HEATR5B: variants seen among roughly 807,000 people sequenced by gnomAD.
The protein encoded by HEATR5B is HEAT repeat-containing protein 5B.
HEATR5B carries 156 observed loss-of-function variants against 224.1 expected under a neutral mutation model. The observed-to-expected ratio is 0.70, with a 90% CI of 0.61 to 0.80. HEATR5B has a LOEUF of 0.80. Ranked by LOEUF, HEATR5B falls within the 30% of genes least tolerant of loss-of-function variation. The probability of loss-of-function intolerance (pLI) is 0.00; values close to 1 mark genes in which losing one functional copy is unlikely to be tolerated. For missense variants in HEATR5B, 2,323 were observed against 2,535.5 expected (o/e 0.92, Z 1.80); for synonymous variants, 1,027 against 893.0 (o/e 1.15, Z -2.68).
intron 9 of HEATR5B, among the ~76,000 whole-genome samples, chr2:37,065,252 T>A (rs2148572393): frequency 6.6e-6 from 1 of 152,252 alleles, no homozygotes; most frequent in South Asian, 2.1e-4. Flanking sequence ...ATAAAAAAAC[T>A]ACCACAATTG....
chr2:37,006,982 G>T, intron 29 of HEATR5B, 68 bp downstream of exon 29: 2 of 1,489,390 alleles, frequency 1.3e-6, no homozygotes, highest in Non-Finnish European at 1.9e-6. Context: ...TCTTTCCATA[G>T]CTTTAAAATG....
chr2:37,078,875 CCAACT>C (rs1672384809), intron 3 of HEATR5B, among the ~76,000 whole-genome samples: 2 of 152,288 alleles, frequency 1.3e-5, no homozygotes, highest in South Asian at 2.1e-4. Context: ...CTCTAAAATC[CCAACT>C]AGAATTTCCA....
Position 37,044,209 on chromosome 2 carries a change from T to C in HEATR5B, c.2697-2917A>G, listed in dbSNP as rs376836067. On this transcript the variant is annotated intron_variant, in intron 18 of 35. Transcript: ENST00000233099. The stretch of plus-strand genomic sequence containing the variant: ...TCGTATGTGGGTAGTGGCTGCCATA[T>C]TGACAACACAAGATATAGGACATTT... 4.4e-4 allele frequency among the ~76,000 whole-genome samples: 67 copies of C among 152,354 alleles called. 1 individual carries two copies. The highest frequency in any genetic ancestry group is 1.5e-3 in the African/African-American group (61 of 41,596).
At chr2:37,059,450 A>G (rs74177064) in intron 12 of HEATR5B, among the ~76,000 whole-genome samples, 92 of 83,440 alleles carry the variant, frequency 1.1e-3, no homozygotes, top group African/African-American at 2.3e-3. Flanking sequence ...GTGTGTGTAT[A>G]TATATATATA....
intron 18 of HEATR5B, 84 bp downstream of exon 18, chr2:37,049,569 T>C (rs529599244): frequency 1.8e-5 from 22 of 1,221,748 alleles, no homozygotes; most frequent in Non-Finnish European, 2.5e-5. Context: ...GTATACCATG[T>C]GGAAAACATA....
At chr2:37,052,928 T>A (rs1338490072) in intron 17 of HEATR5B, among the ~76,000 whole-genome samples, 1 of 152,246 alleles carries the variant, frequency 6.6e-6, no homozygotes, top group Non-Finnish European at 1.5e-5. Context: ...AATTTCCATT[T>A]AATATTTTCA....
At chr2:36,984,237 T>TATATAA (rs1217602304) in intron 35 of HEATR5B, among the ~76,000 whole-genome samples, 11 of 112,008 alleles carry the variant, frequency 9.8e-5, no homozygotes, top group South Asian at 3.5e-4. Context: ...TATATATATA[T>TATATAA]AAAACTGGAA....
Position 37,041,220 on chromosome 2 carries a change from A to C in HEATR5B, c.2769T>G (p.Val923=). The C allele has an allele frequency of 6.2e-7, 1 of 1,614,148 alleles. No individual in the cohort carries two copies. Among genetic ancestry groups the C allele is most frequent in the Non-Finnish European group, 8.5e-7 (1 of 1,179,974 alleles). ...SLALGCLHRY[V]GGIGSGQHLK... ...GATGTTGTCCTGAGCCTATTCCACC[A>C]ACATAACGATGCAAACAACCAAGAG... is the stretch of plus-strand genomic sequence containing the variant. The change falls in exon 19 of 36, where the codon GTT becomes GTG. Residue 923 remains valine (V), a synonymous_variant. Coordinates refer to ENST00000233099, the MANE Select transcript of HEATR5B (RefSeq NM_019024.3).
Position 37,041,286 on chromosome 2 carries a change from T to C in HEATR5B, c.2703A>G (p.Lys901=). 6.2e-7 allele frequency: 1 copy of C among 1,613,834 alleles called. No individual in the cohort carries two copies. Among genetic ancestry groups the C allele is most frequent in the African/African-American group, 1.3e-5 (1 of 75,024 alleles). The part of the protein sequence containing the change: ...RMAQYSFDKL[K]SARDVVSRTG... ...TCCTAGATACAACATCTCGAGCCGATTTCAACCTGAAAAAAAGATTATGCT... is the reference window on the plus strand; with the variant it reads ...TCCTAGATACAACATCTCGAGCCGACTTCAACCTGAAAAAAAGATTATGCT... Residue 901 remains lysine, a synonymous_variant, in exon 19 of 36, where the codon AAA becomes AAG. Transcript: ENST00000233099.
intron 33 of HEATR5B, 85 bp downstream of exon 33, chr2:37,000,501 G>A: frequency 4.8e-6 from 5 of 1,046,564 alleles, no homozygotes; most frequent in Non-Finnish European, 5.9e-6. Context: ...TTATACAGCA[G>A]TTTTCTGATA....
chr2:37,044,811 C>G (rs979955817), intron 18 of HEATR5B, among the ~76,000 whole-genome samples: 1 of 152,190 alleles, frequency 6.6e-6, no homozygotes, highest in South Asian at 2.1e-4. Context: ...CCAGAAGTCA[C>G]TGAGACTCTG....
chr2:37,013,710 T>C, intron 27 of HEATR5B, 131 bp downstream of exon 27: 1 of 613,684 alleles, frequency 1.6e-6, no homozygotes, highest in South Asian at 3.3e-5. Flanking sequence ...ATTAACAAAT[T>C]TTCAAAAAGT....
At chr2:37,048,476 C>T (rs539953997) in intron 18 of HEATR5B, among the ~76,000 whole-genome samples, 31 of 151,744 alleles carry the variant, frequency 2.0e-4, no homozygotes, top group African/African-American at 5.3e-4. Flanking sequence ...AAAGATAACG[C>T]GCCCAGCCAA....
Position 37,000,802 on chromosome 2 carries a change from T to C in HEATR5B, c.5329A>G (p.Ile1777Val), listed in dbSNP as rs767342276. ...ATTAAGAACAGAATTGTGGGCAGGA[T>C]TGTCATACATCCTGAAAGAAAAACA... ...SLCSPAGCMT[I>V]LPTILFLIAR... Residue 1777 changes from isoleucine (I) to valine (V), a missense_variant, in exon 33 of 36, where the codon ATC becomes GTC. Physicochemically the swap from Ile to Val is conservative, Grantham distance 29. Around this residue, in one of 12 missense-constraint regions of HEATR5B, gnomAD observed 844 missense variants for 812.9 expected, o/e 1.04. Coordinates refer to ENST00000233099, the MANE Select transcript of HEATR5B (RefSeq NM_019024.3). 16 of 1,611,114 alleles carry C rather than the reference T, an allele frequency of 9.9e-6. No homozygotes were observed. The highest frequency in any genetic ancestry group is 4.5e-5 in the East Asian group (2 of 44,868).
intron 29 of HEATR5B, 39 bp from the exon 30 acceptor site, chr2:37,005,798 AAAACACTTT>A: frequency 1.3e-6 from 2 of 1,483,680 alleles, no homozygotes; most frequent in Non-Finnish European, 1.8e-6. Context: ...TTTCACTTAT[AAAACACTTT>A]ATGTTGTTTG....
chr2:37,069,052 C>A, intron 7 of HEATR5B, 122 bp from the exon 8 acceptor site: 1 of 1,048,706 alleles, frequency 9.5e-7, no homozygotes, highest in South Asian at 1.8e-5. Flanking sequence ...GAGGCTAAAA[C>A]AGAGAAAATT....
intron 3 of HEATR5B, among the ~76,000 whole-genome samples, chr2:37,078,274 A>G (rs1672355896): frequency 6.6e-6 from 1 of 152,212 alleles, no homozygotes; most frequent in African/African-American, 2.4e-5. Flanking sequence ...GAATCAGGGA[A>G]TCAACTTTCA....
chr2:37,001,194 G>A (rs1012339384), intron 32 of HEATR5B, among the ~76,000 whole-genome samples: 2 of 152,114 alleles, frequency 1.3e-5, no homozygotes, highest in Non-Finnish European at 2.9e-5. Flanking sequence ...TATAGCACTT[G>A]TAAAACATGT....
chr2:37,012,394 A>AT (rs897271764), intron 27 of HEATR5B, among the ~76,000 whole-genome samples: 156 of 147,950 alleles, frequency 1.1e-3, no homozygotes, highest in Middle Eastern at 3.6e-3. Flanking sequence ...AATTAATTAA[A>AT]TTTTTTTTTT....
Sources: gnomAD v4.1 joint callset for allele counts (sites outside exome capture counted in the v4.1 genomes callset) on GRCh38, gnomAD v4.1.1 for gene constraint, gnomAD v4.1.1 regional missense constraint, MANE v1.5 for transcripts, NCBI Gene and HGNC (gene_info 2026-07-23, HGNC 2026-07-21) for gene names.